NME7: variants seen among roughly 807,000 people sequenced by gnomAD.
NME7 encodes the protein NME/NM23 family member 7.
NME7 carries 41 observed loss-of-function variants against 49.1 expected under a neutral mutation model. The ratio of observed to expected loss-of-function variants is 0.83; its 90% CI spans 0.65 to 1.08. The LOEUF (loss-of-function observed/expected upper bound fraction) is 1.08, where lower values mean the gene tolerates loss of function less well. Among genes scored for constraint, NME7 ranks in the 50% least tolerant of loss-of-function variants. NME7 has a pLI of 0.00. For synonymous variants in NME7, 139 were observed against 150.6 expected (o/e 0.92, Z 0.56); for missense variants, 423 against 463.4 (o/e 0.91, Z 0.80).
intron 7 of NME7, among the ~76,000 whole-genome samples, chr1:169,282,833 T>C (rs1397577459): frequency 6.6e-6 from 1 of 152,176 alleles, no homozygotes; most frequent in Admixed American, 6.5e-5. Flanking sequence ...ATTTCCATTC[T>C]TTTGCACTTG....
intron 7 of NME7, among the ~76,000 whole-genome samples, chr1:169,256,148 C>T (rs1329108339): frequency 7.5e-6 from 1 of 133,356 alleles, no homozygotes; most frequent in Non-Finnish European, 1.8e-5. Flanking sequence ...GGATAATATC[C>T]TACAGAGTGT....
At position 169,328,709 on chromosome 1, in the gene NME7, A is replaced by G. The variant is rs1164805405; in HGVS notation, c.4-4209T>C. 1.1e-4 allele frequency among the ~76,000 whole-genome samples: 17 copies of G among 152,354 alleles called. No individual in the cohort carries two copies. The East Asian group carries it at 3.1e-3, about 28-fold the overall frequency. On this transcript the variant is annotated intron_variant, in intron 1 of 11. Coordinates refer to ENST00000367811, the MANE Select transcript of NME7 (RefSeq NM_013330.5). ...ATTAATAAATCAGAGCCAAAGTACAATTCTTACCTTTTGGGGAGTTCAAAC... is the reference window on the plus strand; with the variant it reads ...ATTAATAAATCAGAGCCAAAGTACAGTTCTTACCTTTTGGGGAGTTCAAAC...
intron 1 of NME7, among the ~76,000 whole-genome samples, chr1:169,361,027 A>G (rs1653632679): frequency 6.6e-6 from 1 of 152,102 alleles, no homozygotes; most frequent in African/African-American, 2.4e-5. Flanking sequence ...ATTTTCCAAT[A>G]TCTGTTTTTC....
chr1:169,174,495 A>T (rs141699951), intron 10 of NME7, among the ~76,000 whole-genome samples: 3 of 152,328 alleles, frequency 2.0e-5, no homozygotes, highest in Admixed American at 1.3e-4. Flanking sequence ...AGATACAGTC[A>T]TGCATTGCTT....
At chr1:169,319,582 A>G (rs1651778299) in intron 3 of NME7, among the ~76,000 whole-genome samples, 1 of 152,086 alleles carries the variant, frequency 6.6e-6, no homozygotes, top group Non-Finnish European at 1.5e-5. Context: ...GTACATCTCC[A>G]AGAGGACAGG....
chr1:169,329,097 A>G (rs988193816), intron 1 of NME7, among the ~76,000 whole-genome samples: 1 of 152,188 alleles, frequency 6.6e-6, no homozygotes, highest in Non-Finnish European at 1.5e-5. Flanking sequence ...CCTTTCAGAC[A>G]GAGTATTCAA....
chr1:169,283,211 T>C (rs1373516467), intron 7 of NME7, among the ~76,000 whole-genome samples: 1 of 152,188 alleles, frequency 6.6e-6, no homozygotes, highest in Non-Finnish European at 1.5e-5. Flanking sequence ...TGCCCTTCTT[T>C]GTCTCTTTTT....
At chr1:169,186,057 G>A (rs535203163) in intron 10 of NME7, among the ~76,000 whole-genome samples, 1 of 151,432 alleles carries the variant, frequency 6.6e-6, no homozygotes, top group Non-Finnish European at 1.5e-5. Flanking sequence ...AAATATATAA[G>A]TAGAAATGCA....
At chr1:169,301,258 A>G (rs1650928507) in intron 5 of NME7, among the ~76,000 whole-genome samples, 1 of 152,096 alleles carries the variant, frequency 6.6e-6, no homozygotes, top group South Asian at 2.1e-4. Context: ...CTAAAAAAAG[A>G]GCAAAAGACA....
intron 1 of NME7, among the ~76,000 whole-genome samples, chr1:169,329,624 A>G (rs2101945181): frequency 6.6e-6 from 1 of 152,162 alleles, no homozygotes; most frequent in East Asian, 1.9e-4. Context: ...GATTGAAGAC[A>G]GGTTATTTGA....
intron 10 of NME7, 86 bp downstream of exon 10, chr1:169,230,632 T>C (rs1264025544): frequency 2.9e-6 from 2 of 678,626 alleles, no homozygotes; most frequent in African/African-American, 3.7e-5. Flanking sequence ...CATTATTTAC[T>C]TAAAGGAACA....
intron 7 of NME7, among the ~76,000 whole-genome samples, chr1:169,245,333 C>T (rs1648268374): frequency 6.6e-6 from 1 of 152,076 alleles, no homozygotes; most frequent in African/African-American, 2.4e-5. Flanking sequence ...GCATGAGAGC[C>T]CATGAAAAGG....
intron 10 of NME7, among the ~76,000 whole-genome samples, chr1:169,178,812 A>T (rs1659839935): frequency 7.3e-6 from 1 of 136,552 alleles, no homozygotes; most frequent in Non-Finnish European, 1.5e-5. Flanking sequence ...TTCTAGCTGA[A>T]ACCTCTTCTT....
In NME7 at chr1:169,132,759, C is replaced by G. The variant is rs188194894; in HGVS notation, c.*26G>C. Reference sequence around the variant, plus strand: ...TTCACTCTTGTCTAAATGTCCCAACCTGTGACTTCTTTACTTTCCACACCA... The same window carrying G: ...TTCACTCTTGTCTAAATGTCCCAACGTGTGACTTCTTTACTTTCCACACCA... On this transcript the variant is annotated 3_prime_UTR_variant, in exon 12 of 12. Transcript: ENST00000367811. The G allele has an allele frequency of 7.1e-5, 115 of 1,608,852 alleles. No homozygotes were observed. The African/African-American group carries it at 1.2e-3, about 17-fold the overall frequency.
chr1:169,240,377 A>G (rs1159725275), intron 7 of NME7, among the ~76,000 whole-genome samples: 1 of 151,966 alleles, frequency 6.6e-6, no homozygotes, highest in East Asian at 1.9e-4. Flanking sequence ...GGACTCTCAC[A>G]TTTACTTCAG....
intron 9 of NME7, among the ~76,000 whole-genome samples, chr1:169,232,513 A>T (rs1647671641): frequency 6.6e-6 from 1 of 151,534 alleles, no homozygotes; most frequent in Admixed American, 6.6e-5. Context: ...TAATAAAATT[A>T]GCTAAAAACA....
intron 7 of NME7, among the ~76,000 whole-genome samples, chr1:169,249,543 A>ATC (rs1471769816): frequency 1.3e-5 from 2 of 152,098 alleles, no homozygotes; most frequent in Non-Finnish European, 2.9e-5. Flanking sequence ...TGAAAGTGGC[A>ATC]TCCTTGTCTT....
chr1:169,145,966 T>C (rs1658735751), intron 11 of NME7, among the ~76,000 whole-genome samples: 1 of 152,182 alleles, frequency 6.6e-6, no homozygotes, highest in South Asian at 2.1e-4. Context: ...AGAGGGTACA[T>C]GTGTAGGTCT....
At chr1:169,203,557 T>A (rs960902420) in intron 10 of NME7, among the ~76,000 whole-genome samples, 3 of 152,050 alleles carry the variant, frequency 2.0e-5, no homozygotes, top group African/African-American at 7.2e-5. Context: ...TTAGGCCTTA[T>A]AAATCAAAAG....
Sources: allele counts gnomAD v4.1 joint callset (sites outside exome capture counted in the v4.1 genomes callset), GRCh38; gene constraint gnomAD v4.1.1; transcripts MANE v1.5; gene names NCBI Gene and HGNC (gene_info 2026-07-23, HGNC 2026-07-21).